Variants in ZNF385D observed in about 807,000 individuals in gnomAD.
The protein encoded by ZNF385D is zinc finger protein 659.
In ZNF385D, 15 loss-of-function variants were observed where a neutral mutation model predicts 35.8. The ratio of observed to expected loss-of-function variants is 0.42; its 90% CI spans 0.28 to 0.64. ZNF385D has a LOEUF of 0.64. ZNF385D is among the 30% of genes least tolerant of loss of function. The pLI is 0.23. For missense variants in ZNF385D, 474 were observed against 494.6 expected (o/e 0.96, Z 0.39); for synonymous variants, 212 against 186.8 (o/e 1.13, Z -1.10).
At chr3:21,563,644 G>A (rs1464799049) in intron 3 of ZNF385D, among the ~76,000 whole-genome samples, 3 of 152,106 alleles carry the variant, frequency 2.0e-5, no homozygotes, top group Non-Finnish European at 4.4e-5. Flanking sequence ...AAGGCTTAAC[G>A]TTGTCCAGAA....
Position 21,578,280 on chromosome 3 carries a change from C to T in ZNF385D, c.166-13596G>A, listed in dbSNP as rs543979261. ...TATTTTCCTTCACTCTACAGGCTGT[C>T]TCTTCCCTCTGTTGATGGTTTCTTT... On this transcript the variant is annotated intron_variant, in intron 2 of 7. Coordinates refer to ENST00000281523, the MANE Select transcript of ZNF385D (RefSeq NM_024697.3). Among the ~76,000 whole-genome samples, 3 of 152,234 alleles carry T rather than the reference C, an allele frequency of 2.0e-5. No individual in the cohort carries two copies. In the South Asian group the frequency reaches 6.2e-4, roughly 32 times the overall value.
chr3:21,815,658 T>C (rs562379718), intron 3 of ZNF385D, among the ~76,000 whole-genome samples: 2 of 152,294 alleles, frequency 1.3e-5, no homozygotes, highest in African/African-American at 2.4e-5. Flanking sequence ...AATAGACCAA[T>C]AGCAGGCTCT....
intron 3 of ZNF385D, among the ~76,000 whole-genome samples, chr3:22,150,133 G>C (rs935044417): frequency 6.6e-6 from 1 of 152,104 alleles, no homozygotes; most frequent in African/African-American, 2.4e-5. Context: ...AGGCAAATAA[G>C]ATAATGCCAG....
At chr3:21,544,523 G>C (rs984913111) in intron 3 of ZNF385D, among the ~76,000 whole-genome samples, 1 of 152,104 alleles carries the variant, frequency 6.6e-6, no homozygotes, top group Non-Finnish European at 1.5e-5. Flanking sequence ...TTAGGAAAAA[G>C]CTGAAGGTTC....
intron 2 of ZNF385D, among the ~76,000 whole-genome samples, chr3:22,331,371 T>C (rs948986905): frequency 6.6e-6 from 1 of 152,108 alleles, no homozygotes; most frequent in Non-Finnish European, 1.5e-5. Flanking sequence ...TTAATGTAAA[T>C]AAATTATAGA....
At chr3:22,309,142 CCT>C (rs902748450) in intron 2 of ZNF385D, among the ~76,000 whole-genome samples, 7 of 151,902 alleles carry the variant, frequency 4.6e-5, no homozygotes, top group African/African-American at 1.7e-4. Context: ...AAAAGCAGCC[CCT>C]GTGTTAATCT....
intron 3 of ZNF385D, among the ~76,000 whole-genome samples, chr3:22,092,286 A>C (rs2125604470): frequency 6.6e-6 from 1 of 152,270 alleles, no homozygotes; most frequent in South Asian, 2.1e-4. Context: ...TGAAGGATGA[A>C]TGGGTTTCTC....
At chr3:21,857,843 CT>C (rs1213529814) in intron 3 of ZNF385D, among the ~76,000 whole-genome samples, 1 of 151,756 alleles carries the variant, frequency 6.6e-6, no homozygotes, top group Non-Finnish European at 1.5e-5. Context: ...ATGAAACGAT[CT>C]GAGGGACAAC....
In ZNF385D at chr3:21,653,886, G is replaced by GT. The variant is rs145461401; in HGVS notation, c.165+10999dup. On this transcript the variant is annotated intron_variant, in intron 2 of 7. Transcript: ENST00000281523. ...GCTGGTTATCTGTCTTATATCACAG[G>GT]TTTTTTGGAAGGCAAAAACTGTTGC... 9.7e-3 allele frequency among the ~76,000 whole-genome samples: 1,479 copies of GT among 152,100 alleles called. 31 individuals are homozygous for GT. The highest frequency in any genetic ancestry group is 0.033 in the African/African-American group (1,385 of 41,528).
Position 22,258,264 on chromosome 3 carries a change from T to C in ZNF385D, c.107-89229A>G, listed in dbSNP as rs114364028. Among the ~76,000 whole-genome samples the C allele has an allele frequency of 5.6e-3, 843 of 151,824 alleles. 6 individuals are homozygous for C. Among genetic ancestry groups the C allele is most frequent in the African/African-American group, 0.019 (796 of 41,484 alleles). On this transcript the variant is annotated intron_variant, in intron 2 of 5. Coordinates refer to the ZNF385D transcript ENST00000494108. ...GAAGCTTTAAATGTTAGAGCTAACA[T>C]TTACTCAAAGAGAGGAAGACATAAA...
intron 2 of ZNF385D, among the ~76,000 whole-genome samples, chr3:22,290,302 C>G (rs1038320923): frequency 2.7e-4 from 41 of 152,272 alleles, no homozygotes; most frequent in African/African-American, 8.9e-4. Flanking sequence ...ATGCTCTCCT[C>G]AGACCACACC....
intron 4 of ZNF385D, among the ~76,000 whole-genome samples, chr3:21,508,355 T>C (rs1706944145): frequency 6.6e-6 from 1 of 152,154 alleles, no homozygotes; most frequent in South Asian, 2.1e-4. Flanking sequence ...AAGGACCCTC[T>C]AAATTTATTA....
intron 2 of ZNF385D, among the ~76,000 whole-genome samples, chr3:21,639,815 ATTT>A (rs1387466107): frequency 6.6e-6 from 1 of 152,110 alleles, no homozygotes; most frequent in East Asian, 1.9e-4. Flanking sequence ...ATAGTTATAG[ATTT>A]TTTATTTTAA....
chr3:22,108,277 A>G (rs920898131), intron 3 of ZNF385D, among the ~76,000 whole-genome samples: 1 of 152,020 alleles, frequency 6.6e-6, no homozygotes, highest in South Asian at 2.1e-4. Context: ...TTAATCCACA[A>G]TTTTGGTCAG....
At chr3:21,811,199 T>C (rs1394049333) in intron 3 of ZNF385D, among the ~76,000 whole-genome samples, 1 of 152,134 alleles carries the variant, frequency 6.6e-6, no homozygotes, top group African/African-American at 2.4e-5. Context: ...TCCTATTTCT[T>C]AGCTTATTCT....
At chr3:21,655,809 T>G (rs529335644) in intron 2 of ZNF385D, among the ~76,000 whole-genome samples, 10 of 152,018 alleles carry the variant, frequency 6.6e-5, no homozygotes, top group Non-Finnish European at 1.3e-4. Context: ...TGATTTACCA[T>G]TTGTATGATT....
chr3:22,042,288 A>G lies in ZNF385D; in HGVS notation c.325+126529T>C, dbSNP rs558714023. 8.5e-5 allele frequency among the ~76,000 whole-genome samples: 13 copies of G among 152,276 alleles called. No individual in the cohort carries two copies. The East Asian group carries it at 2.5e-3, about 29-fold the overall frequency. On this transcript the variant is annotated intron_variant, in intron 3 of 5. Transcript: ENST00000494108. Reference sequence around the variant, plus strand: ...CCTTCTAGAGTTGTGGTATTACATTATTAATACCCACAAGGAACTTAGATT... The same window carrying G: ...CCTTCTAGAGTTGTGGTATTACATTGTTAATACCCACAAGGAACTTAGATT...
chr3:22,227,176 G>T (rs1194409449), intron 2 of ZNF385D, among the ~76,000 whole-genome samples: 1 of 151,384 alleles, frequency 6.6e-6, no homozygotes, highest in Non-Finnish European at 1.5e-5. Context: ...ATATATATGT[G>T]TATGTGGGGC....
intron 3 of ZNF385D, among the ~76,000 whole-genome samples, chr3:21,943,066 A>C (rs981566094): frequency 1.1e-4 from 16 of 152,140 alleles, no homozygotes; most frequent in African/African-American, 3.9e-4. Flanking sequence ...ACTGTATCAG[A>C]AAAGCCAAAA....
Sources: allele counts gnomAD v4.1 joint callset (sites outside exome capture counted in the v4.1 genomes callset), GRCh38; gene constraint gnomAD v4.1.1; transcripts MANE v1.5; gene names NCBI Gene and HGNC (gene_info 2026-07-23, HGNC 2026-07-21).